TRAPPC9: variants seen among roughly 807,000 people sequenced by gnomAD.
The protein encoded by TRAPPC9 is IKK2 binding protein.
TRAPPC9 carries 83 observed loss-of-function variants against 124.0 expected under a neutral mutation model. The ratio of observed to expected loss-of-function variants is 0.67; its 90% CI spans 0.56 to 0.80. The LOEUF (loss-of-function observed/expected upper bound fraction) is 0.80. Ranked by LOEUF, TRAPPC9 falls within the 30% of genes least tolerant of loss-of-function variation. TRAPPC9 has a pLI of 0.00. For synonymous variants in TRAPPC9, 638 were observed against 617.5 expected, an observed-to-expected ratio of 1.03 and a Z score of -0.49; for missense variants, 1,302 against 1,508.3, an observed-to-expected ratio of 0.86 and a Z score of 2.27.
At chr8:140,290,740 CA>C (rs1163471078) in intron 12 of TRAPPC9, among the ~76,000 whole-genome samples, 1 of 152,186 alleles carries the variant, frequency 6.6e-6, no homozygotes, top group Non-Finnish European at 1.5e-5. Context: ...ATCTTATACC[CA>C]ATCAACTAAG....
intron 17 of TRAPPC9, among the ~76,000 whole-genome samples, chr8:140,170,091 A>G (rs2061936589): frequency 6.6e-6 from 1 of 152,220 alleles, no homozygotes. Flanking sequence ...AAGCAATAAA[A>G]TTATTATATA....
rs995835265 is a variant in TRAPPC9 at position 139,729,572 on chromosome 8, C to A, written c.*1489G>T. Among the ~76,000 whole-genome samples the A allele has an allele frequency of 6.6e-6, 1 of 152,182 alleles. No homozygotes were observed. Among genetic ancestry groups the A allele is most frequent in the African/African-American group, 2.4e-5 (1 of 41,450 alleles). ...CGCCCCCACATGCCCCCAGCCCACA[C>A]CACATCACAGTGTGCTCCCATCATT... On this transcript the variant is annotated 3_prime_UTR_variant, in exon 23 of 23. Transcript: ENST00000438773.
chr8:140,129,897 G>A (rs1233651877), intron 17 of TRAPPC9, among the ~76,000 whole-genome samples: 2 of 152,224 alleles, frequency 1.3e-5, no homozygotes, highest in South Asian at 2.1e-4. Flanking sequence ...TATTCACTGA[G>A]AGGGCCTGAA....
chr8:140,183,957 GGGAGGGAGGAGGGAGGAGGGA>G (rs760482905), intron 17 of TRAPPC9, among the ~76,000 whole-genome samples: 2 of 52,910 alleles, frequency 3.8e-5, no homozygotes, highest in African/African-American at 6.4e-5. Context: ...GAGAGGGGAG[GGGAGGGAGGAGGGAGGAGGGA>G]GGAGGGAGGA....
chr8:140,370,230 C>T (rs2068242668), intron 8 of TRAPPC9, among the ~76,000 whole-genome samples: 1 of 152,048 alleles, frequency 6.6e-6, no homozygotes, highest in Non-Finnish European at 1.5e-5. Flanking sequence ...ACCTCCACCT[C>T]CCAGGTTCAA....
chr8:139,988,938 C>G (rs961691381), intron 18 of TRAPPC9, 102 bp from the exon 19 acceptor site: 1 of 785,334 alleles, frequency 1.3e-6, no homozygotes, highest in African/African-American at 1.7e-5. Flanking sequence ...TTAAGAAGGG[C>G]AAAGTATATC....
rs767649710 is a variant in TRAPPC9, at chr8:140,397,607, G to A, written c.1134+13C>T. 6 of 1,613,342 alleles carry A rather than the reference G, an allele frequency of 3.7e-6. No individual in the cohort carries two copies. In the East Asian group the frequency reaches 1.3e-4, roughly 36 times the overall value. The stretch of plus-strand genomic sequence containing the variant: ...GGATGAACTCTTCCACTTACAGGTA[G>A]ACATACACTCACCTGTCGAAGGTTA... On this transcript the variant is annotated intron_variant, in intron 7 of 22. Coordinates refer to ENST00000438773, the MANE Select transcript of TRAPPC9 (RefSeq NM_001160372.4).
chr8:140,224,611 A>G (rs1436828340), intron 16 of TRAPPC9, among the ~76,000 whole-genome samples: 1 of 152,140 alleles, frequency 6.6e-6, no homozygotes, highest in Non-Finnish European at 1.5e-5. Flanking sequence ...GCTTTGAACC[A>G]TGTCAGTCCC....
At chr8:140,112,593 G>A (rs1053097406) in intron 17 of TRAPPC9, among the ~76,000 whole-genome samples, 1 of 152,170 alleles carries the variant, frequency 6.6e-6, no homozygotes, top group Non-Finnish European at 1.5e-5. Flanking sequence ...ATCCTCTCAA[G>A]AGATCTATGA....
intron 20 of TRAPPC9, among the ~76,000 whole-genome samples, chr8:139,908,319 G>A (rs1283601678): frequency 2.6e-5 from 4 of 152,252 alleles, no homozygotes; most frequent in South Asian, 2.1e-4. Flanking sequence ...ATCCAGGACC[G>A]CCTTGCTCTG....
At chr8:139,833,040 A>C (rs1826093565) in intron 21 of TRAPPC9, among the ~76,000 whole-genome samples, 1 of 152,156 alleles carries the variant, frequency 6.6e-6, no homozygotes, top group African/African-American at 2.4e-5. Flanking sequence ...TGGAGGGGCC[A>C]CGTGTCCAGG....
At chr8:139,944,901 T>A (rs1424005796) in intron 19 of TRAPPC9, among the ~76,000 whole-genome samples, 1 of 152,212 alleles carries the variant, frequency 6.6e-6, no homozygotes, top group Admixed American at 6.5e-5. Flanking sequence ...GGTGGGCAGA[T>A]CACCTGAGAT....
chr8:140,246,570 G>C (rs2131466048), intron 16 of TRAPPC9, among the ~76,000 whole-genome samples: 1 of 152,320 alleles, frequency 6.6e-6, no homozygotes, highest in South Asian at 2.1e-4. Flanking sequence ...ACTAGATTCA[G>C]ATGATAGAAT....
At chr8:140,172,133 T>C (rs2061979040) in intron 17 of TRAPPC9, among the ~76,000 whole-genome samples, 1 of 152,140 alleles carries the variant, frequency 6.6e-6, no homozygotes, top group African/African-American at 2.4e-5. Context: ...TGTCTCTTTA[T>C]TCAGGAGGAA....
intron 9 of TRAPPC9, 23 bp downstream of exon 9, chr8:140,360,027 C>T: frequency 6.2e-7 from 1 of 1,613,726 alleles, no homozygotes; most frequent in Non-Finnish European, 8.5e-7. Flanking sequence ...TGAAAAAAAA[C>T]ATTGTGGTTT....
rs536787964 is a variant in TRAPPC9 at position 139,731,216 on chromosome 8, C to T, written c.3292G>A (p.Gly1098Ser). 6.6e-5 allele frequency: 107 copies of T among 1,613,300 alleles called. No homozygotes were observed. Among genetic ancestry groups the T allele is most frequent in the Non-Finnish European group, 8.1e-5 (96 of 1,179,908 alleles). Residue 1098 changes from glycine (G) to serine (S), a missense_variant, in exon 23 of 23, where the codon GGC (glycine) becomes AGC (serine). Gly to Ser is a moderately conservative substitution (Grantham distance 56). Around this residue, in one of 3 missense-constraint regions of TRAPPC9, gnomAD observed 640 missense variants for 679.3 expected, o/e 0.94. Transcript: ENST00000438773. The stretch of plus-strand genomic sequence containing the variant: ...AGGGCCCCGAGGCAGGCCGACTGGC[C>T]GGACGGCTGCACCTGAGCAGGGAGG... ...TFYLDAVQPS[G>S]QSACLGALLF...
chr8:140,166,139 C>A (rs891127525), intron 17 of TRAPPC9, among the ~76,000 whole-genome samples: 3 of 152,128 alleles, frequency 2.0e-5, no homozygotes, highest in Admixed American at 2.0e-4. Flanking sequence ...ATCATGATGC[C>A]CAAAAGGCAT....
chr8:140,018,324 A>ATTTTTTCTTTTTTCTTT (rs765656679), intron 18 of TRAPPC9, among the ~76,000 whole-genome samples: 3 of 119,778 alleles, frequency 2.5e-5, no homozygotes, highest in African/African-American at 9.8e-5. Context: ...AACGTAAGTG[A>ATTTTTTCTTTTTTCTTT]TTTTTTTTTT....
intron 17 of TRAPPC9, among the ~76,000 whole-genome samples, chr8:140,030,585 C>T (rs1183890282): frequency 6.6e-6 from 1 of 152,114 alleles, no homozygotes; most frequent in Non-Finnish European, 1.5e-5. Flanking sequence ...CATAATAATA[C>T]CAAACTGGAA....
Sources: allele counts gnomAD v4.1 joint callset (sites outside exome capture counted in the v4.1 genomes callset), GRCh38; gene constraint gnomAD v4.1.1; regional missense constraint gnomAD v4.1.1; transcripts MANE v1.5; gene names NCBI Gene and HGNC (gene_info 2026-07-23, HGNC 2026-07-21).